Variants in PHTF2 observed in about 807,000 individuals in gnomAD.
The protein encoded by PHTF2 is putative homeodomain transcription factor 2, also known as protein PHTF2.
In PHTF2, 60 loss-of-function variants were observed where a neutral mutation model predicts 101.2. That is an observed-to-expected ratio of 0.59 (90% confidence interval 0.48 to 0.73). The LOEUF is 0.73. Among genes scored for constraint, PHTF2 ranks in the 30% least tolerant of loss-of-function variants. The pLI is 0.00. For missense variants in PHTF2, 747 were observed against 908.7 expected (o/e 0.82, Z 2.29); for synonymous variants, 311 against 307.3 (o/e 1.01, Z -0.13).
rs73375836 is a variant in PHTF2, at chr7:77,873,900, T to C, written c.147+19066T>C. 4.2e-3 allele frequency among the ~76,000 whole-genome samples: 637 copies of C among 152,298 alleles called. 10 individuals carry two copies. Among genetic ancestry groups the C allele is most frequent in the African/African-American group, 0.015 (616 of 41,562 alleles). The stretch of plus-strand genomic sequence containing the variant: ...TGCGTGATAATAGCTTGTGTCTGTT[T>C]TTCTACAATTTCAGCTATTTCTCTA... On this transcript the variant is annotated intron_variant, in intron 3 of 19. Transcript: ENST00000416283.
exon 14 of PHTF2, chr7:77,940,224 A>G: frequency 6.2e-7 from 1 of 1,613,776 alleles, no homozygotes; most frequent in Middle Eastern, 1.7e-4. Context: ...CTATGGTTAT[A>G]ATAAGTTTTG....
At chr7:77,887,075 CAATG>C in intron 3 of PHTF2, among the ~76,000 whole-genome samples, 1 of 150,046 alleles carries the variant, frequency 6.7e-6, no homozygotes, top group East Asian at 2.0e-4. Flanking sequence ...GATACAGTAA[CAATG>C]AATATAAGGC....
chr7:77,949,919 C>T lies in PHTF2; in HGVS notation c.2115+86C>T, dbSNP rs146325954. ...CCTTTATGTTTTTCAAGAATGTGTT[C>T]TATTTGATTAAGGTCATTTGTGCTA... On this transcript the variant is annotated intron_variant, in intron 17 of 19. Transcript: ENST00000416283. The T allele has an allele frequency of 2.1e-3, 1,539 of 741,432 alleles. 3 individuals are homozygous for T. The highest frequency in any genetic ancestry group is 2.8e-3 in the Non-Finnish European group (1,365 of 485,320). 45.9% of individuals were successfully genotyped at this position (741,432 alleles called of 1,614,324 possible). A position where few individuals can be genotyped will look rare whatever the true frequency, so the allele number is the denominator to read the frequency against.
chr7:77,877,760 A>G (rs1178115047), intron 3 of PHTF2, among the ~76,000 whole-genome samples: 2 of 152,204 alleles, frequency 1.3e-5, no homozygotes, highest in Non-Finnish European at 2.9e-5. Flanking sequence ...AGGAAAGGAA[A>G]CCAAGGCTGT....
rs149201887 is a variant in PHTF2 at position 77,935,347 on chromosome 7, C to T, written c.1339-2363C>T. On this transcript the variant is annotated intron_variant, in intron 12 of 19. Transcript: ENST00000416283. ...ACGCCATTCTCTTGCCTCAGCCTCC[C>T]CAGTACCTGGGACTACAGGCACCAG... Among the ~76,000 whole-genome samples the T allele has an allele frequency of 2.5e-3, 381 of 151,952 alleles. 2 individuals carry two copies. The highest frequency in any genetic ancestry group is 8.4e-3 in the Admixed American group (129 of 15,268).
intron 12 of PHTF2, 76 bp downstream of exon 11, chr7:77,929,403 G>A (rs1804358969): frequency 1.4e-6 from 1 of 721,218 alleles, no homozygotes; most frequent in Non-Finnish European, 2.3e-6. Context: ...TTACAGAGGT[G>A]AAGAAAAAGC....
intron 19 of PHTF2, 96 bp downstream of exon 18, chr7:77,953,990 G>T: frequency 2.2e-6 from 2 of 912,362 alleles, no homozygotes; most frequent in South Asian, 1.7e-5. Flanking sequence ...GGTCATTTTG[G>T]TAAGATTGCA....
At chr7:77,945,939 A>G (rs1483507519) in intron 16 of PHTF2, among the ~76,000 whole-genome samples, 3 of 152,216 alleles carry the variant, frequency 2.0e-5, no homozygotes, top group South Asian at 2.1e-4. Flanking sequence ...GATCTAGTCA[A>G]TAGGAAAAGG....
intron 9 of PHTF2, among the ~76,000 whole-genome samples, chr7:77,919,437 A>G (rs563965815): frequency 1.3e-5 from 2 of 152,224 alleles, no homozygotes; most frequent in Non-Finnish European, 2.9e-5. Flanking sequence ...AAAATGTTTT[A>G]TGATAGATAA....
intron 18 of PHTF2, 91 bp downstream of exon 17, chr7:77,951,803 G>A: frequency 1.6e-6 from 1 of 612,582 alleles, no homozygotes; most frequent in Non-Finnish European, 2.8e-6. Flanking sequence ...TTTGTATGTG[G>A]TTTTCATGAT....
chr7:77,948,448 TA>T (rs144011891), intron 16 of PHTF2, among the ~76,000 whole-genome samples: 8,937 of 152,210 alleles, frequency 0.059, 592 homozygotes, highest in African/African-American at 0.16. Context: ...AAAAAATTTT[TA>T]ATATGATCAC....
intron 3 of PHTF2, among the ~76,000 whole-genome samples, chr7:77,870,741 C>T (rs1562896118): frequency 6.6e-6 from 1 of 152,178 alleles, no homozygotes; most frequent in Non-Finnish European, 1.5e-5. Context: ...AACCCATACA[C>T]ATCTCCTGAG....
At chr7:77,868,123 A>C (rs546328943) in intron 3 of PHTF2, among the ~76,000 whole-genome samples, 122 of 152,078 alleles carry the variant, frequency 8.0e-4, no homozygotes, top group African/African-American at 2.9e-3. Flanking sequence ...TTATATGTGA[A>C]AGAAGTAATA....
At chr7:77,923,293 G>T in intron 11 of PHTF2, 1 of 919,222 alleles carries the variant, frequency 1.1e-6, no homozygotes, top group Non-Finnish European at 1.3e-6. Context: ...TTTAAATAAA[G>T]AATTTCATTC....
chr7:77,836,790 G>C (rs555837657), intron 1 of PHTF2, among the ~76,000 whole-genome samples: 1 of 152,016 alleles, frequency 6.6e-6, no homozygotes, highest in African/African-American at 2.4e-5. Context: ...GAGACAGGGA[G>C]GGAAACATCA....
intron 1 of PHTF2, among the ~76,000 whole-genome samples, chr7:77,822,309 G>A (rs1483294437): frequency 6.6e-6 from 1 of 152,164 alleles, no homozygotes; most frequent in Admixed American, 6.5e-5. Flanking sequence ...CCACCCATGT[G>A]AGTGTGATGG....
intron 1 of PHTF2, among the ~76,000 whole-genome samples, chr7:77,800,057 G>A (rs1792413805): frequency 6.6e-6 from 1 of 151,668 alleles, no homozygotes; most frequent in African/African-American, 2.4e-5. Flanking sequence ...TTGTTTTCAG[G>A]TATTTTTGTA....
intron 5 of PHTF2, among the ~76,000 whole-genome samples, chr7:77,894,902 G>A (rs549844463): frequency 7.9e-4 from 121 of 152,240 alleles, no homozygotes; most frequent in African/African-American, 2.9e-3. Flanking sequence ...GTTGGATAGA[G>A]GAAGGAGACT....
chr7:77,827,857 T>A (rs974761997), intron 1 of PHTF2, among the ~76,000 whole-genome samples: 1 of 151,732 alleles, frequency 6.6e-6, no homozygotes, highest in Non-Finnish European at 1.5e-5. Context: ...TTGGTCAGGC[T>A]GATCTCAAAC....
Sources: allele counts gnomAD v4.1 joint callset (sites outside exome capture counted in the v4.1 genomes callset), GRCh38; gene constraint gnomAD v4.1.1; transcripts MANE v1.5; gene names NCBI Gene and HGNC (gene_info 2026-07-23, HGNC 2026-07-21).